Variants in ARID5B observed in about 807,000 individuals in gnomAD.
ARID5B encodes the protein AT-rich interactive domain-containing protein 5B.
In ARID5B, 13 loss-of-function variants were observed where a neutral mutation model predicts 97.2. That is an observed-to-expected ratio of 0.13 (90% CI 0.09 to 0.21). ARID5B has a LOEUF of 0.21. ARID5B is among the 10% of genes least tolerant of loss of function. The pLI, the probability that ARID5B is intolerant of heterozygous loss-of-function variation, is 1.00. For synonymous variants in ARID5B, 556 were observed against 570.3 expected, an observed-to-expected ratio of 0.97 and a Z score of 0.36; for missense variants, 1,210 against 1,465.3, an observed-to-expected ratio of 0.83 and a Z score of 2.84.
intron 3 of ARID5B, among the ~76,000 whole-genome samples, chr10:61,971,794 T>TAG (rs1333957297): frequency 1.5e-4 from 23 of 152,348 alleles, no homozygotes; most frequent in African/African-American, 5.5e-4. Context: ...AATTGAATTT[T>TAG]TTCCTAACTT....
At chr10:62,044,587 G>A (rs907861104) in intron 4 of ARID5B, among the ~76,000 whole-genome samples, 8 of 151,954 alleles carry the variant, frequency 5.3e-5, no homozygotes, top group Non-Finnish European at 1.5e-5. Context: ...TGCCCAAGCT[G>A]GTCTCAAGTT....
intron 3 of ARID5B, among the ~76,000 whole-genome samples, chr10:61,944,107 A>T (rs1168403474): frequency 6.6e-6 from 1 of 152,190 alleles, no homozygotes; most frequent in East Asian, 1.9e-4. Context: ...AAAGTTCAAT[A>T]TGAAACCAAT....
intron 3 of ARID5B, among the ~76,000 whole-genome samples, chr10:61,965,497 C>G (rs1039132097): frequency 6.6e-6 from 1 of 152,106 alleles, no homozygotes; most frequent in Non-Finnish European, 1.5e-5. Context: ...GAATGTAGGG[C>G]AGTATGATTA....
intron 2 of ARID5B, 33 bp from the exon 3 acceptor site, chr10:61,940,150 C>T (rs991036481): frequency 4.4e-6 from 7 of 1,600,078 alleles, no homozygotes; most frequent in South Asian, 1.1e-5. Context: ...CTATAAATAA[C>T]GTTTTTTGTT....
At chr10:62,077,740 T>C (rs1219722425) in intron 8 of ARID5B, among the ~76,000 whole-genome samples, 2 of 152,222 alleles carry the variant, frequency 1.3e-5, no homozygotes, top group Non-Finnish European at 2.9e-5. Flanking sequence ...TTCTTTTTGA[T>C]AAATAACAAA....
Position 61,926,765 on chromosome 10 carries a change from C to T in ARID5B, c.277-13418C>T, listed in dbSNP as rs368486444. The stretch of plus-strand genomic sequence containing the variant: ...CTGGGACTACAGGCGTGCACCACCA[C>T]ACCCAGCTAGTTTTTGGGTTTTTTT... On this transcript the variant is annotated intron_variant, in intron 2 of 9. Coordinates refer to ENST00000279873, the MANE Select transcript of ARID5B (RefSeq NM_032199.3). 5.3e-5 allele frequency among the ~76,000 whole-genome samples: 8 copies of T among 152,156 alleles called. No individual in the cohort carries two copies. The East Asian group carries it at 9.7e-4, about 18-fold the overall frequency.
chr10:62,085,657 T>A (rs200191973), intron 8 of ARID5B, 45 bp from the exon 9 acceptor site: 350 of 1,500,548 alleles, frequency 2.3e-4, no homozygotes, highest in Non-Finnish European at 5.0e-5. Flanking sequence ...TTGATGCTAC[T>A]GGAATTACTC....
intron 3 of ARID5B, among the ~76,000 whole-genome samples, chr10:61,959,359 G>C (rs2132820196): frequency 6.6e-6 from 1 of 152,240 alleles, no homozygotes; most frequent in South Asian, 2.1e-4. Context: ...GGGAGTGAAG[G>C]TAGGGCAATT....
At chr10:61,912,644 A>ATG (rs1359309145) in intron 2 of ARID5B, among the ~76,000 whole-genome samples, 1 of 149,918 alleles carries the variant, frequency 6.7e-6, no homozygotes, top group Non-Finnish European at 1.5e-5. Context: ...ATATATAATT[A>ATG]TGTGTGTATA....
At chr10:62,030,003 T>C (rs1166690799) in intron 4 of ARID5B, among the ~76,000 whole-genome samples, 1 of 152,188 alleles carries the variant, frequency 6.6e-6, no homozygotes, top group Admixed American at 6.5e-5. Flanking sequence ...GATCGCCCTA[T>C]GATAAGTTTA....
chr10:62,038,747 T>C (rs2132914686), intron 4 of ARID5B, among the ~76,000 whole-genome samples: 1 of 152,370 alleles, frequency 6.6e-6, no homozygotes, highest in East Asian at 1.9e-4. Context: ...CTATCCAAGA[T>C]GAATGTTGTC....
chr10:61,917,085 G>C (rs1452134584), intron 2 of ARID5B, among the ~76,000 whole-genome samples: 1 of 151,230 alleles, frequency 6.6e-6, no homozygotes, highest in Non-Finnish European at 1.5e-5. Flanking sequence ...AGGATCACTT[G>C]AACCCAGGAG....
rs1840378042 is a variant in ARID5B, at chr10:62,091,794, A to G, written c.2331A>G (p.Lys777=). 2 of 1,613,994 alleles carry G rather than the reference A, an allele frequency of 1.2e-6. No homozygotes were observed. Among genetic ancestry groups the G allele is most frequent in the Non-Finnish European group, 1.7e-6 (2 of 1,179,986 alleles). The part of the protein sequence containing the change: ...KTINDIFKHE[K]LSRSDPHRCS... Reference sequence around the variant, plus strand: ...TCAATGACATCTTTAAGCATGAGAAACTGAGTCGATCAGATCCCCACCGCT... The same window carrying G: ...TCAATGACATCTTTAAGCATGAGAAGCTGAGTCGATCAGATCCCCACCGCT... Residue 777 remains lysine, a synonymous_variant, in exon 10 of 10, where the codon AAA becomes AAG. Coordinates refer to ENST00000279873, the MANE Select transcript of ARID5B (RefSeq NM_032199.3).
intron 3 of ARID5B, among the ~76,000 whole-genome samples, chr10:61,944,811 G>C (rs917220536): frequency 3.3e-5 from 5 of 152,116 alleles, no homozygotes; most frequent in Admixed American, 2.6e-4. Context: ...ACTGTCTGTG[G>C]ATGGGCAGTT....
At chr10:62,009,807 T>C (rs1839193963) in intron 4 of ARID5B, among the ~76,000 whole-genome samples, 2 of 152,158 alleles carry the variant, frequency 1.3e-5, no homozygotes, top group South Asian at 4.1e-4. Flanking sequence ...CCACCGGAGT[T>C]AAAAGATCCA....
At chr10:62,004,124 C>G (rs947489790) in intron 4 of ARID5B, among the ~76,000 whole-genome samples, 2 of 152,148 alleles carry the variant, frequency 1.3e-5, no homozygotes, top group African/African-American at 4.8e-5. Flanking sequence ...TAACTATCCT[C>G]CTTACTTGGG....
chr10:62,021,735 C>T (rs932067471), intron 4 of ARID5B, among the ~76,000 whole-genome samples: 18 of 152,136 alleles, frequency 1.2e-4, no homozygotes, highest in African/African-American at 4.1e-4. Context: ...TTTATTTCAG[C>T]GTTTCAAGGC....
At chr10:62,021,029 AATATATATAT>A (rs10528323) in intron 4 of ARID5B, among the ~76,000 whole-genome samples, 5,251 of 106,776 alleles carry the variant, frequency 0.049, 170 homozygotes, top group East Asian at 0.13. Context: ...TTGTCACATG[AATATATATAT>A]ATATATATAT....
At chr10:61,940,135 C>G (rs767477772) in intron 2 of ARID5B, 48 bp from the exon 3 acceptor site, 2 of 1,578,906 alleles carry the variant, frequency 1.3e-6, no homozygotes, top group Non-Finnish European at 1.7e-6. Flanking sequence ...TCATTTCCCT[C>G]AAACCTATAA....
Sources: allele counts gnomAD v4.1 joint callset (sites outside exome capture counted in the v4.1 genomes callset), GRCh38; gene constraint gnomAD v4.1.1; transcripts MANE v1.5; gene names NCBI Gene and HGNC (gene_info 2026-07-23, HGNC 2026-07-21).